SV2C: variants seen among roughly 807,000 people sequenced by gnomAD.
SV2C encodes solute carrier family 22 member B3.
A neutral mutation model predicts 79.7 loss-of-function variants in SV2C; 49 were observed. That is an observed-to-expected ratio of 0.61 (90% CI 0.49 to 0.78). The LOEUF (loss-of-function observed/expected upper bound fraction) is 0.78, where lower values mean the gene tolerates loss of function less well. Ranked by LOEUF, SV2C falls within the 30% of genes least tolerant of loss-of-function variation. The pLI is 0.00. For synonymous variants in SV2C, 334 were observed against 333.2 expected (o/e 1.00, Z -0.03); for missense variants, 833 against 912.9 (o/e 0.91, Z 1.13).
At chr5:76,167,463 G>A (rs1447811299) in intron 2 of SV2C, among the ~76,000 whole-genome samples, 2 of 152,170 alleles carry the variant, frequency 1.3e-5, no homozygotes, top group African/African-American at 2.4e-5. Context: ...TGTTATTTTT[G>A]TGAGCTAGCA....
chr5:75,887,506 G>A, the SV2C span, among the ~76,000 whole-genome samples: 2 of 151,832 alleles, frequency 1.3e-5, no homozygotes, highest in East Asian at 1.9e-4. Flanking sequence ...TCAGACCACT[G>A]GATCCTTAAA....
chr5:76,281,778 C>T (rs980968750), intron 4 of SV2C, among the ~76,000 whole-genome samples: 1 of 152,176 alleles, frequency 6.6e-6, no homozygotes, highest in Non-Finnish European at 1.5e-5. Flanking sequence ...CTAATCTCTG[C>T]TTCCCTCAAC....
At chr5:76,263,016 A>G (rs1293979109) in intron 4 of SV2C, among the ~76,000 whole-genome samples, 1 of 152,154 alleles carries the variant, frequency 6.6e-6, no homozygotes, top group Non-Finnish European at 1.5e-5. Context: ...GATCTGTCTA[A>G]TATTGGCGGT....
chr5:76,114,956 T>C (rs1424550207), intron 1 of SV2C, among the ~76,000 whole-genome samples: 4 of 152,274 alleles, frequency 2.6e-5, no homozygotes, highest in South Asian at 2.1e-4. Context: ...ATTTGCCTTT[T>C]TGATGTTATT....
At chr5:75,953,628 C>T in the SV2C span, among the ~76,000 whole-genome samples, 421 of 152,024 alleles carry the variant, frequency 2.8e-3, 2 homozygotes, top group African/African-American at 9.3e-3. Context: ...ATATATGCTA[C>T]AGGCTAGAAG....
intron 4 of SV2C, among the ~76,000 whole-genome samples, chr5:76,224,406 C>G (rs1325416785): frequency 1.3e-5 from 2 of 152,148 alleles, no homozygotes; most frequent in Non-Finnish European, 2.9e-5. Flanking sequence ...TGAAAATACC[C>G]TTGCTGGGCT....
chr5:75,888,488 C>A, the SV2C span, among the ~76,000 whole-genome samples: 3 of 152,048 alleles, frequency 2.0e-5, no homozygotes, highest in Non-Finnish European at 4.4e-5. Context: ...TCCCCAAATA[C>A]ACACATTTTC....
the SV2C span, among the ~76,000 whole-genome samples, chr5:75,976,488 G>A: frequency 6.6e-6 from 1 of 151,870 alleles, no homozygotes; most frequent in Non-Finnish European, 1.5e-5. Context: ...CAGAGAGGAT[G>A]CAGCCTGCAT....
In SV2C at chr5:76,242,333, A is replaced by G. The variant is rs1039213431; in HGVS notation, c.913+32446A>G. ...GACGGCAGCGGGACATAGGTGCTGG[A>G]CGCGGGACGCAGCGGCGCGCGGGCT... On this transcript the variant is annotated intron_variant, in intron 4 of 12. Coordinates refer to ENST00000502798, the MANE Select transcript of SV2C (RefSeq NM_014979.4). 4.9e-6 allele frequency: 7 copies of G among 1,439,144 alleles called. No homozygotes were observed. The Admixed American group carries it at 1.0e-4, about 21-fold the overall frequency. The allele number at this position is 1,439,144 out of a possible 1,614,324, so 89.1% of individuals were successfully genotyped here. A position where few individuals can be genotyped will look rare whatever the true frequency, so the allele number is the denominator to read the frequency against.
chr5:75,967,867 T>G, the SV2C span, among the ~76,000 whole-genome samples: 1 of 152,234 alleles, frequency 6.6e-6, no homozygotes. Flanking sequence ...ATGGGCAGAC[T>G]GCCTCCTCAA....
chr5:76,251,979 A>C (rs58278662), intron 4 of SV2C, among the ~76,000 whole-genome samples: 1 of 152,158 alleles, frequency 6.6e-6, no homozygotes, highest in African/African-American at 2.4e-5. Context: ...AAGCCCAAAG[A>C]TTATTGTTAT....
the SV2C span, among the ~76,000 whole-genome samples, chr5:75,982,006 C>T: frequency 6.9e-6 from 1 of 144,020 alleles, no homozygotes; most frequent in Non-Finnish European, 1.5e-5. Flanking sequence ...CGCATATTCT[C>T]ACTCATAGAT....
intron 1 of SV2C, among the ~76,000 whole-genome samples, chr5:76,087,416 A>G (rs1385268808): frequency 3.9e-5 from 6 of 152,254 alleles, no homozygotes; most frequent in Non-Finnish European, 7.3e-5. Flanking sequence ...TTACAAGTCA[A>G]GAGTACAGTG....
intron 4 of SV2C, among the ~76,000 whole-genome samples, chr5:76,237,892 CT>C (rs750005402): frequency 3.9e-5 from 6 of 151,910 alleles, no homozygotes; most frequent in Non-Finnish European, 8.8e-5. Context: ...TCAAATGTGT[CT>C]GTTACTTCTC....
intron 2 of SV2C, chr5:76,174,089 T>TA: frequency 1.3e-6 from 2 of 1,581,322 alleles, no homozygotes; most frequent in Non-Finnish European, 1.7e-6. Context: ...CGTAGGATCG[T>TA]ATTTTTCTAC....
chr5:76,301,318 G>T, intron 11 of SV2C, 68 bp from the exon 12 acceptor site: 1 of 1,581,854 alleles, frequency 6.3e-7, no homozygotes, highest in South Asian at 1.2e-5. Flanking sequence ...CAATCCCAAG[G>T]ACCCAAGGGT....
At chr5:75,963,662 C>G in the SV2C span, among the ~76,000 whole-genome samples, 1 of 152,090 alleles carries the variant, frequency 6.6e-6, no homozygotes, top group East Asian at 1.9e-4. Context: ...TCATCTTACT[C>G]AGTACTTGAT....
At chr5:75,934,298 C>CT in the SV2C span, among the ~76,000 whole-genome samples, 18 of 87,548 alleles carry the variant, frequency 2.1e-4, no homozygotes, top group African/African-American at 1.2e-3. Context: ...TTTTTTCTTT[C>CT]TTTCTTTTTT....
the SV2C span, among the ~76,000 whole-genome samples, chr5:76,015,052 G>A: frequency 2.0e-5 from 3 of 152,104 alleles, no homozygotes; most frequent in East Asian, 5.8e-4. Flanking sequence ...TTGTAGTTAA[G>A]GTTGGGGTCA....
Sources: gnomAD v4.1 joint callset for allele counts (sites outside exome capture counted in the v4.1 genomes callset) on GRCh38, gnomAD v4.1.1 for gene constraint, MANE v1.5 for transcripts, NCBI Gene and HGNC (gene_info 2026-07-23, HGNC 2026-07-21) for gene names.